TLE4: variants seen among roughly 807,000 people sequenced by gnomAD.
TLE4 encodes transducin-like enhancer protein 4.
Under a neutral mutation model 92.8 loss-of-function variants are expected in TLE4, and 8 were observed. The observed-to-expected ratio is 0.09, with a 90% CI of 0.05 to 0.16. TLE4 has a LOEUF of 0.16. TLE4 is among the 10% of genes least tolerant of loss of function. TLE4 has a pLI of 1.00. For synonymous variants in TLE4, 371 were observed against 374.1 expected, an observed-to-expected ratio of 0.99 and a Z score of 0.10; for missense variants, 675 against 997.6, an observed-to-expected ratio of 0.68 and a Z score of 4.36.
intron 8 of TLE4, chr9:79,671,140 C>T: frequency 2.4e-6 from 1 of 409,240 alleles, no homozygotes; most frequent in Admixed American, 2.5e-5. Context: ...ATATTTAATT[C>T]CATTGGGGAT....
intron 2 of TLE4, among the ~76,000 whole-genome samples, chr9:79,574,560 G>T (rs1211174160): frequency 6.6e-6 from 1 of 151,976 alleles, no homozygotes; most frequent in Non-Finnish European, 1.5e-5. Flanking sequence ...GTTTATTTTC[G>T]TGTTTGTTTT....
At chr9:79,583,133 C>G (rs968041067) in intron 4 of TLE4, among the ~76,000 whole-genome samples, 8 of 152,090 alleles carry the variant, frequency 5.3e-5, no homozygotes, top group Non-Finnish European at 8.8e-5. Flanking sequence ...TTCATCACCA[C>G]AAATCTATAT....
intron 5 of TLE4, among the ~76,000 whole-genome samples, chr9:79,625,043 G>T (rs1247016115): frequency 1.0e-5 from 1 of 96,606 alleles, no homozygotes; most frequent in Non-Finnish European, 1.9e-5. Flanking sequence ...TTTTTGAGAC[G>T]GAGTCTCGCT....
chr9:79,651,569 G>A (rs1026586904), intron 6 of TLE4, among the ~76,000 whole-genome samples: 3 of 152,338 alleles, frequency 2.0e-5, no homozygotes, highest in South Asian at 4.1e-4. Flanking sequence ...CTAGAGAAGA[G>A]TACAAGGGCA....
At chr9:79,587,622 C>T (rs1296981972) in intron 4 of TLE4, among the ~76,000 whole-genome samples, 1 of 152,080 alleles carries the variant, frequency 6.6e-6, no homozygotes, top group Non-Finnish European at 1.5e-5. Flanking sequence ...TTTGTAGAAT[C>T]TCACTTTGAG....
At chr9:79,691,769 T>G (rs961913424) in intron 8 of TLE4, among the ~76,000 whole-genome samples, 2 of 152,248 alleles carry the variant, frequency 1.3e-5, no homozygotes, top group Non-Finnish European at 2.9e-5. Context: ...AATGTCATCT[T>G]TTTGCAGAAG....
At chr9:79,645,788 A>G (rs1360710405) in intron 6 of TLE4, among the ~76,000 whole-genome samples, 1 of 152,178 alleles carries the variant, frequency 6.6e-6, no homozygotes, top group Non-Finnish European at 1.5e-5. Flanking sequence ...CTCCATTTTA[A>G]TGTTTATTTT....
chr9:79,587,561 T>G (rs2041434945), intron 4 of TLE4, among the ~76,000 whole-genome samples: 1 of 152,226 alleles, frequency 6.6e-6, no homozygotes, highest in Admixed American at 6.5e-5. Context: ...TTAAGATAAT[T>G]TTTATAAGAG....
intron 4 of TLE4, among the ~76,000 whole-genome samples, chr9:79,609,756 A>T (rs993538951): frequency 9.2e-5 from 14 of 152,064 alleles, no homozygotes. Context: ...AGTAACCCTA[A>T]CAGCAATATT....
intron 4 of TLE4, chr9:79,601,374 A>G (rs1301122511): frequency 2.2e-6 from 1 of 456,584 alleles, no homozygotes; most frequent in East Asian, 6.9e-5. Flanking sequence ...AGCTACAGGC[A>G]TACCTTGTTT....
chr9:79,624,916 C>T (rs1315576496), intron 5 of TLE4, among the ~76,000 whole-genome samples: 2 of 151,454 alleles, frequency 1.3e-5, no homozygotes, highest in Admixed American at 6.6e-5. Flanking sequence ...TGAATGAATG[C>T]GTGAGTAGAA....
At chr9:79,691,769 T>C (rs961913424) in intron 8 of TLE4, among the ~76,000 whole-genome samples, 1 of 152,248 alleles carries the variant, frequency 6.6e-6, no homozygotes, top group Non-Finnish European at 1.5e-5. Context: ...AATGTCATCT[T>C]TTTGCAGAAG....
chr9:79,658,347 T>G (rs1370791865), intron 8 of TLE4, among the ~76,000 whole-genome samples: 1 of 152,216 alleles, frequency 6.6e-6, no homozygotes, highest in Non-Finnish European at 1.5e-5. Flanking sequence ...AGCTAAATGC[T>G]TTTCTCTGGG....
chr9:79,625,177 G>A (rs531143865), intron 5 of TLE4, among the ~76,000 whole-genome samples: 6 of 150,364 alleles, frequency 4.0e-5, no homozygotes, highest in Non-Finnish European at 5.9e-5. Context: ...CCGCCACTAC[G>A]CCCGGCTAAT....
chr9:79,652,960 A>T (rs1469430160), intron 7 of TLE4, 166 bp downstream of exon 7: 1 of 826,026 alleles, frequency 1.2e-6, no homozygotes, highest in Non-Finnish European at 2.1e-6. Flanking sequence ...TTGCCAAATG[A>T]TATTCTAGTG....
rs2048654556 is a variant in TLE4, at chr9:79,612,781, G to A, written c.315+63G>A. ...CCATTTTAGTGGTTTTGCAGAAAAG[G>A]GATTGTAGAACTGACTCTCTGGCCT... On this transcript the variant is annotated intron_variant, in intron 5 of 19. Coordinates refer to ENST00000376552, the MANE Select transcript of TLE4 (RefSeq NM_007005.6). 2.1e-6 allele frequency: 3 copies of A among 1,407,022 alleles called. No homozygotes were observed. The East Asian group carries it at 6.8e-5, about 32-fold the overall frequency. 87.2% of individuals were successfully genotyped at this position (1,407,022 alleles called of 1,614,324 possible).
At chr9:79,650,322 C>T (rs1447808374) in intron 6 of TLE4, among the ~76,000 whole-genome samples, 1 of 152,030 alleles carries the variant, frequency 6.6e-6, no homozygotes, top group African/African-American at 2.4e-5. Flanking sequence ...GATGTAGACT[C>T]ATAGAGCTTA....
intron 6 of TLE4, among the ~76,000 whole-genome samples, chr9:79,647,029 T>C (rs1286794222): frequency 6.6e-6 from 1 of 152,198 alleles, no homozygotes; most frequent in Non-Finnish European, 1.5e-5. Context: ...GACTTTATAA[T>C]TTTGGTATAA....
intron 1 of TLE4, chr9:79,573,237 C>T (rs2036414486): frequency 3.0e-6 from 3 of 1,010,620 alleles, no homozygotes; most frequent in South Asian, 8.7e-5. Context: ...GCCGGCCCCT[C>T]GCGCCGCGGG....
Sources: allele counts gnomAD v4.1 joint callset (sites outside exome capture counted in the v4.1 genomes callset), GRCh38; gene constraint gnomAD v4.1.1; transcripts MANE v1.5; gene names NCBI Gene and HGNC (gene_info 2026-07-23, HGNC 2026-07-21).